The following WWTR1 variants were observed in gnomAD, a reference collection of about 807,000 sequenced individuals.
The protein encoded by WWTR1 is WW domain-containing transcription regulator protein 1.
A neutral mutation model predicts 40.1 loss-of-function variants in WWTR1; 13 were observed. The ratio of observed to expected loss-of-function variants is 0.32; its 90% CI spans 0.21 to 0.52. The LOEUF (loss-of-function observed/expected upper bound fraction) is 0.52, where lower values mean the gene tolerates loss of function less well. WWTR1 is among the 20% of genes least tolerant of loss of function. The pLI, the probability that WWTR1 is intolerant of heterozygous loss-of-function variation, is 0.97. For missense variants in WWTR1, 436 were observed against 523.1 expected (o/e 0.83, Z 1.63); for synonymous variants, 230 against 210.1 (o/e 1.09, Z -0.82).
At chr3:149,621,758 C>T (rs552871907) in intron 2 of WWTR1, among the ~76,000 whole-genome samples, 55 of 151,940 alleles carry the variant, frequency 3.6e-4, no homozygotes, top group African/African-American at 1.3e-3. Flanking sequence ...TGATGTAATG[C>T]ATTACAGGTG....
chr3:149,670,096 C>T (rs1272973380), intron 1 of WWTR1, among the ~76,000 whole-genome samples: 1 of 152,208 alleles, frequency 6.6e-6, no homozygotes, highest in African/African-American at 2.4e-5. Context: ...GCTCTAGCAC[C>T]CAGCTGGGCT....
intron 4 of WWTR1, among the ~76,000 whole-genome samples, chr3:149,721,653 T>A (rs184835953): frequency 1.4e-4 from 21 of 152,310 alleles, no homozygotes; most frequent in Admixed American, 7.8e-4. Flanking sequence ...TTCAATTTTT[T>A]TGGAAAAGTT....
intron 5 of WWTR1, 71 bp downstream of exon 5, chr3:149,527,765 A>G (rs1735388976): frequency 6.2e-7 from 1 of 1,603,368 alleles, no homozygotes; most frequent in African/African-American, 1.3e-5. Context: ...CAATGTAAAC[A>G]AAGATCCTAT....
chr3:149,613,457 T>A (rs575806872), intron 2 of WWTR1, among the ~76,000 whole-genome samples: 1 of 152,158 alleles, frequency 6.6e-6, no homozygotes, highest in Non-Finnish European at 1.5e-5. Flanking sequence ...AGAAACATTA[T>A]CTATCTGCCC....
intron 2 of WWTR1, among the ~76,000 whole-genome samples, chr3:149,621,400 G>C (rs1471614106): frequency 6.6e-6 from 1 of 152,090 alleles, no homozygotes; most frequent in Non-Finnish European, 1.5e-5. Flanking sequence ...CCAAACAGAA[G>C]TGACTAATGC....
chr3:149,548,119 A>G (rs1736449544), intron 3 of WWTR1, among the ~76,000 whole-genome samples: 1 of 152,084 alleles, frequency 6.6e-6, no homozygotes, highest in Admixed American at 6.5e-5. Flanking sequence ...CTGGGGCAAT[A>G]TACACTTGGT....
In WWTR1 at chr3:149,610,232, C is replaced by A. The variant is rs577657294; in HGVS notation, c.432-37232G>T. Among the ~76,000 whole-genome samples the A allele has an allele frequency of 4.9e-4, 75 of 152,250 alleles. No homozygotes were observed. In the South Asian group the frequency reaches 0.015, roughly 31 times the overall value. On this transcript the variant is annotated intron_variant, in intron 2 of 6. Transcript: ENST00000360632. ...TTTCAACTTTCCAGTTTTCCAATTA[C>A]AAGCAAAGTACCAAATTCATACCTG...
chr3:149,576,175 A>T, intron 2 of WWTR1: 1 of 448,064 alleles, frequency 2.2e-6, no homozygotes, highest in Non-Finnish European at 4.5e-6. Context: ...AGGCTGCGCT[A>T]ACATGGTGTC....
chr3:149,724,216 C>A (rs1394576018), intron 3 of WWTR1: 1 of 152,036 alleles, frequency 6.6e-6, no homozygotes, highest in Admixed American at 6.6e-5. Context: ...AATTTCAAAC[C>A]TAAACAAAAG....
intron 1 of WWTR1, among the ~76,000 whole-genome samples, chr3:149,684,839 C>T (rs1329715804): frequency 2.6e-5 from 4 of 152,174 alleles, no homozygotes; most frequent in Non-Finnish European, 5.9e-5. Flanking sequence ...GTTGGGATTA[C>T]AGGTGTGCTC....
exon 5 of WWTR1, chr3:149,717,560 G>T (rs1715644035): frequency 6.6e-6 from 1 of 152,168 alleles, no homozygotes; most frequent in Non-Finnish European, 1.5e-5. Flanking sequence ...ATCCAGAGGA[G>T]AAAATCCTGC....
At chr3:149,547,453 GACGTGGAGGTTGCAGTC>G (rs1280346490) in intron 3 of WWTR1, among the ~76,000 whole-genome samples, 2 of 151,940 alleles carry the variant, frequency 1.3e-5, no homozygotes, top group African/African-American at 4.8e-5. Context: ...TTGAACCCGG[GACGTGGAGGTTGCAGTC>G]ACCCGAGATC....
intron 2 of WWTR1, among the ~76,000 whole-genome samples, chr3:149,625,279 C>T (rs1243256717): frequency 2.6e-5 from 4 of 151,114 alleles, no homozygotes; most frequent in African/African-American, 9.7e-5. Context: ...CCACCACGCC[C>T]GGCTAATTTT....
intron 1 of WWTR1, among the ~76,000 whole-genome samples, chr3:149,678,319 T>C (rs958566085): frequency 3.3e-5 from 5 of 152,210 alleles, no homozygotes; most frequent in African/African-American, 1.2e-4. Flanking sequence ...GGCCAACTTA[T>C]GTAAAGACAG....
chr3:149,724,243 A>G (rs1474859764), intron 3 of WWTR1: 1 of 152,150 alleles, frequency 6.6e-6, no homozygotes. Flanking sequence ...GAATGATATA[A>G]TGAATCCCTG....
chr3:149,718,408 A>G (rs923278893), intron 4 of WWTR1, among the ~76,000 whole-genome samples: 1 of 152,232 alleles, frequency 6.6e-6, no homozygotes, highest in African/African-American at 2.4e-5. Context: ...AACAGCTCAC[A>G]GGGTCCTCTG....
At chr3:149,699,292 C>CT (rs35576449) in intron 1 of WWTR1, among the ~76,000 whole-genome samples, 7,703 of 131,692 alleles carry the variant, frequency 0.058, 440 homozygotes, top group African/African-American at 0.14. Context: ...GGTCATCATT[C>CT]TTTTTTTTTT....
At chr3:149,531,145 T>C (rs35780858) in intron 4 of WWTR1, among the ~76,000 whole-genome samples, 1 of 151,904 alleles carries the variant, frequency 6.6e-6, no homozygotes, top group African/African-American at 2.4e-5. Flanking sequence ...ATGTTGCCCA[T>C]GCTGGTCTCG....
intron 1 of WWTR1, among the ~76,000 whole-genome samples, chr3:149,686,155 T>C (rs1714637164): frequency 6.6e-6 from 1 of 152,196 alleles, no homozygotes. Context: ...CACCTTTATG[T>C]TTGGCTGATG....
Sources: allele counts gnomAD v4.1 joint callset (sites outside exome capture counted in the v4.1 genomes callset), GRCh38; gene constraint gnomAD v4.1.1; transcripts MANE v1.5; gene names NCBI Gene and HGNC (gene_info 2026-07-23, HGNC 2026-07-21).